The following FYB1 variants were observed in gnomAD, a reference collection of about 807,000 sequenced individuals.
The protein encoded by FYB1 is FYN-binding protein 1.
A neutral mutation model predicts 94.1 loss-of-function variants in FYB1; 41 were observed. The ratio of observed to expected loss-of-function variants is 0.44; its 90% CI spans 0.34 to 0.57. FYB1 has a LOEUF of 0.57. Among genes scored for constraint, FYB1 ranks in the 20% least tolerant of loss-of-function variants. The pLI, the probability that FYB1 is intolerant of heterozygous loss-of-function variation, is 0.02. For synonymous variants in FYB1, 367 were observed against 353.2 expected, an observed-to-expected ratio of 1.04 and a Z score of -0.44; for missense variants, 1,050 against 976.8, an observed-to-expected ratio of 1.07 and a Z score of -1.00.
chr5:39,216,741 G>C (rs1749900584), intron 1 of FYB1, among the ~76,000 whole-genome samples: 1 of 152,146 alleles, frequency 6.6e-6, no homozygotes, highest in African/African-American at 2.4e-5. Flanking sequence ...ATCCCAGCTG[G>C]GATTATCCCT....
At chr5:39,188,801 G>A (rs1317459333) in intron 2 of FYB1, among the ~76,000 whole-genome samples, 1 of 151,960 alleles carries the variant, frequency 6.6e-6, no homozygotes, top group Non-Finnish European at 1.5e-5. Context: ...CCAAAGTGTT[G>A]GGACTACTAG....
intron 7 of FYB1, among the ~76,000 whole-genome samples, chr5:39,135,458 C>T (rs937005279): frequency 6.6e-6 from 1 of 152,212 alleles, no homozygotes; most frequent in Non-Finnish European, 1.5e-5. Flanking sequence ...AACAAGATAA[C>T]ATTTCAGAAA....
chr5:39,179,630 C>G (rs968564482), intron 2 of FYB1, among the ~76,000 whole-genome samples: 4 of 150,614 alleles, frequency 2.7e-5, no homozygotes, highest in Non-Finnish European at 4.4e-5. Context: ...ACTGCAACCT[C>G]TGCCTCCTGA....
At chr5:39,246,848 G>C (rs1360446678) in intron 1 of FYB1, among the ~76,000 whole-genome samples, 1 of 152,020 alleles carries the variant, frequency 6.6e-6, no homozygotes, top group Non-Finnish European at 1.5e-5. Context: ...ATCTACTCAA[G>C]GCAGAATAAT....
In FYB1 at chr5:39,196,351, G is replaced by A. The variant is rs577526641; in HGVS notation, c.1135+5475C>T. On this transcript the variant is annotated intron_variant, in intron 2 of 18. Transcript: ENST00000512982. ...AGCCTCCTGAGTAGCTGGGAGGTGCGCACCACTATGCCTGGCTAATTTTTG... is the reference window on the plus strand; with the variant it reads ...AGCCTCCTGAGTAGCTGGGAGGTGCACACCACTATGCCTGGCTAATTTTTG... Among the ~76,000 whole-genome samples the A allele has an allele frequency of 5.9e-5, 9 of 151,796 alleles. No homozygotes were observed. The East Asian group carries it at 1.2e-3, about 20-fold the overall frequency.
chr5:39,247,101 T>C (rs1287382759), intron 1 of FYB1, among the ~76,000 whole-genome samples: 1 of 142,374 alleles, frequency 7.0e-6, no homozygotes, highest in Admixed American at 7.0e-5. Context: ...TATATATATA[T>C]ATATATATAT....
intron 1 of FYB1, among the ~76,000 whole-genome samples, chr5:39,245,239 A>T (rs1309234829): frequency 6.6e-6 from 1 of 152,176 alleles, no homozygotes; most frequent in Non-Finnish European, 1.5e-5. Flanking sequence ...ATATTTTCCT[A>T]ATGCAAAATG....
chr5:39,149,941 C>A (rs528734288), intron 3 of FYB1, among the ~76,000 whole-genome samples: 17 of 152,254 alleles, frequency 1.1e-4, no homozygotes, highest in African/African-American at 4.1e-4. Context: ...GAAATGTGTT[C>A]CTATTTCTCT....
intron 11 of FYB1, 116 bp downstream of exon 11, chr5:39,127,625 T>A: frequency 9.0e-7 from 1 of 1,114,658 alleles, no homozygotes; most frequent in South Asian, 1.8e-5. Context: ...TTCAAATCAT[T>A]TGGGGTAATG....
Position 39,202,542 on chromosome 5 carries a change from T to A in FYB1, c.419A>T (p.His140Leu). Residue 140 changes from histidine to leucine, a missense_variant, in exon 2 of 19, where the codon CAC becomes CTC. His to Leu is a moderately conservative substitution (Grantham distance 99). Transcript: ENST00000512982. The stretch of plus-strand genomic sequence containing the variant: ...TAAGTCATGGTCTTGGTTTACACTG[T>A]GAAGAGATGGCTTGTTTCCAGGAGG... ...PWPPGNKPSL[H>L]SVNQDHDLKP... The A allele has an allele frequency of 6.2e-7, 1 of 1,614,020 alleles. No homozygotes were observed. The highest frequency in any genetic ancestry group is 1.3e-5 in the African/African-American group (1 of 75,042).
chr5:39,271,070 A>C (rs1223545307), intron 1 of FYB1, among the ~76,000 whole-genome samples: 2 of 152,040 alleles, frequency 1.3e-5, no homozygotes, highest in African/African-American at 2.4e-5. Flanking sequence ...CAAGTTTTCT[A>C]TCTTGGGTAT....
At chr5:39,110,325 C>G in intron 17 of FYB1, 31 bp downstream of exon 17, 1 of 1,470,834 alleles carries the variant, frequency 6.8e-7, no homozygotes, top group Non-Finnish European at 9.3e-7. Context: ...ATTCTTTTCA[C>G]AAGCATAGTA....
chr5:39,178,575 A>G (rs942899770), intron 2 of FYB1, among the ~76,000 whole-genome samples: 3 of 152,228 alleles, frequency 2.0e-5, no homozygotes, highest in African/African-American at 7.2e-5. Flanking sequence ...GAGAATAAAG[A>G]CAGACTATGA....
At chr5:39,120,462 T>A (rs1283416082) in intron 14 of FYB1, among the ~76,000 whole-genome samples, 1 of 152,090 alleles carries the variant, frequency 6.6e-6, no homozygotes, top group African/African-American at 2.4e-5. Flanking sequence ...GCACACAGGA[T>A]CACCTGGGAA....
At chr5:39,129,091 C>G (rs1014705211) in intron 10 of FYB1, among the ~76,000 whole-genome samples, 24 of 152,080 alleles carry the variant, frequency 1.6e-4, no homozygotes, top group African/African-American at 4.1e-4. Context: ...AATCAGCATA[C>G]CGTTGGTATA....
chr5:39,171,634 T>C (rs1745257819), intron 2 of FYB1, among the ~76,000 whole-genome samples: 1 of 152,210 alleles, frequency 6.6e-6, no homozygotes, highest in Non-Finnish European at 1.5e-5. Flanking sequence ...CAGAAGTTAT[T>C]GCACTACTGA....
intron 2 of FYB1, among the ~76,000 whole-genome samples, chr5:39,192,340 A>G (rs192051062): frequency 3.0e-4 from 45 of 152,340 alleles, no homozygotes; most frequent in Non-Finnish European, 5.1e-4. Context: ...TTTAGAGGTT[A>G]TATAATTTTG....
intron 1 of FYB1, among the ~76,000 whole-genome samples, chr5:39,226,620 G>A (rs1032532386): frequency 1.3e-5 from 2 of 152,010 alleles, no homozygotes; most frequent in African/African-American, 4.8e-5. Context: ...GTATTGCATC[G>A]TATGATAGCA....
At chr5:39,118,766 AAGAT>A (rs1286420694) in intron 16 of FYB1, 104 bp downstream of exon 16, 3 of 650,562 alleles carry the variant, frequency 4.6e-6, no homozygotes, top group African/African-American at 3.7e-5. Flanking sequence ...ATAGGGCAAA[AAGAT>A]AGATAAGAGT....
Sources: allele counts gnomAD v4.1 joint callset (sites outside exome capture counted in the v4.1 genomes callset), GRCh38; gene constraint gnomAD v4.1.1; transcripts MANE v1.5; gene names NCBI Gene and HGNC (gene_info 2026-07-23, HGNC 2026-07-21).